CCNT2: variants seen among roughly 807,000 people sequenced by gnomAD.
CCNT2 encodes the protein cyclin-T2.
Under a neutral mutation model 70.0 loss-of-function variants are expected in CCNT2, and 18 were observed. The ratio of observed to expected loss-of-function variants is 0.26; its 90% confidence interval spans 0.18 to 0.38. CCNT2 has a LOEUF of 0.38. Among genes scored for constraint, CCNT2 ranks in the 10% least tolerant of loss-of-function variants. The probability of loss-of-function intolerance (pLI) is 1.00; values close to 1 mark genes in which losing one functional copy is unlikely to be tolerated. For synonymous variants in CCNT2, 334 were observed against 313.3 expected (o/e 1.07, Z -0.70); for missense variants, 734 against 890.2 (o/e 0.82, Z 2.23).
At chr2:134,940,656 T>C (rs1004094458) in intron 4 of CCNT2, among the ~76,000 whole-genome samples, 9 of 152,238 alleles carry the variant, frequency 5.9e-5, no homozygotes, top group Admixed American at 6.5e-5. Flanking sequence ...TAAAATGCTG[T>C]GTGACACCTG....
intron 5 of CCNT2, chr2:134,944,455 CAG>C: frequency 1.0e-6 from 1 of 965,154 alleles, no homozygotes; most frequent in Non-Finnish European, 1.2e-6. Flanking sequence ...AATTCTTTAT[CAG>C]AGATTAATAT....
intron 1 of CCNT2, among the ~76,000 whole-genome samples, chr2:134,919,349 C>T (rs1319272355): frequency 6.6e-6 from 1 of 152,098 alleles, no homozygotes; most frequent in Non-Finnish European, 1.5e-5. Flanking sequence ...TGTCCCTGAC[C>T]CCGAAGGGTT....
At chr2:134,931,284 T>TTTTTTTTTTTTTTTTTTTTTTC (rs1300472053) in intron 2 of CCNT2, among the ~76,000 whole-genome samples, 1 of 145,040 alleles carries the variant, frequency 6.9e-6, no homozygotes, top group African/African-American at 2.6e-5. Flanking sequence ...TTTTTTTTTT[T>TTTTTTTTTTTTTTTTTTTTTTC]TTTGGTATTT....
At chr2:134,945,982 A>G (rs542043101) in intron 5 of CCNT2, 119 bp from the exon 6 acceptor site, 2 of 1,592,100 alleles carry the variant, frequency 1.3e-6, no homozygotes, top group East Asian at 2.2e-5. Context: ...ATTTGTAAGT[A>G]GTAAGTAAAA....
In CCNT2 at chr2:134,954,901, A is replaced by G; in HGVS notation, c.*253A>G. The G allele has an allele frequency of 2.5e-6, 1 of 394,438 alleles. No individual in the cohort carries two copies. 24.4% of individuals were successfully genotyped at this position (394,438 alleles called of 1,614,324 possible). A position where few individuals can be genotyped will look rare whatever the true frequency, so the allele number is the denominator to read the frequency against. ...ACTCAGTATTTCTACAATTGCAGCT[A>G]AGAACATTAGGATGAATGGCTGGCT... On this transcript the variant is annotated 3_prime_UTR_variant, in exon 9 of 9. Transcript: ENST00000264157.
chr2:134,919,940 C>T, intron 2 of CCNT2, 49 bp downstream of exon 2: 1 of 1,308,818 alleles, frequency 7.6e-7, no homozygotes, highest in South Asian at 1.2e-5. Flanking sequence ...GAGGGTAAAT[C>T]GATACGCAGA....
At chr2:134,923,671 A>G (rs1271340300) in intron 2 of CCNT2, among the ~76,000 whole-genome samples, 1 of 152,220 alleles carries the variant, frequency 6.6e-6, no homozygotes, top group East Asian at 1.9e-4. Flanking sequence ...AAATTTTATT[A>G]AGATCTCACT....
At chr2:134,934,917 A>G (rs2105044047) in intron 2 of CCNT2, among the ~76,000 whole-genome samples, 1 of 152,348 alleles carries the variant, frequency 6.6e-6, no homozygotes, top group Middle Eastern at 3.4e-3. Flanking sequence ...TTAGACATGA[A>G]TAATGACAAT....
At position 134,935,667 on chromosome 2, in the gene CCNT2, T is replaced by C. The variant is rs145022081; in HGVS notation, c.241-1174T>C. ...TAAAACATTATTTGAGTTTATTTTA[T>C]GCCTATTTTCTAAGTCCACAGTTAC... On this transcript the variant is annotated intron_variant, in intron 2 of 8. Coordinates refer to ENST00000264157, the MANE Select transcript of CCNT2 (RefSeq NM_058241.3). 1.1e-3 allele frequency among the ~76,000 whole-genome samples: 171 copies of C among 152,344 alleles called. 5 individuals carry two copies. In the Middle Eastern group the frequency reaches 0.041, roughly 36 times the overall value.
chr2:134,942,787 G>T, intron 5 of CCNT2, 113 bp downstream of exon 5: 1 of 1,390,280 alleles, frequency 7.2e-7, no homozygotes, highest in South Asian at 1.5e-5. Context: ...TAAAATTAGG[G>T]AGAAATGTCA....
Position 134,954,904 on chromosome 2 carries a change from A to G in CCNT2, c.*256A>G. ...CAGTATTTCTACAATTGCAGCTAAG[A>G]ACATTAGGATGAATGGCTGGCTGCT... On this transcript the variant is annotated 3_prime_UTR_variant, in exon 9 of 9. Transcript: ENST00000264157. 2 of 382,460 alleles carry G rather than the reference A, an allele frequency of 5.2e-6. No individual in the cohort carries two copies. Among genetic ancestry groups the G allele is most frequent in the South Asian group, 1.2e-4 (2 of 16,380 alleles). 23.7% of individuals were successfully genotyped at this position (382,460 alleles called of 1,614,324 possible).
intron 7 of CCNT2, among the ~76,000 whole-genome samples, chr2:134,949,489 GT>G (rs1201644058): frequency 6.6e-6 from 1 of 152,136 alleles, no homozygotes; most frequent in Admixed American, 6.5e-5. Flanking sequence ...ATTATCCATA[GT>G]TTGCCTGTTC....
At chr2:134,943,469 T>A (rs1681717393) in intron 5 of CCNT2, 1 of 985,220 alleles carries the variant, frequency 1.0e-6, no homozygotes, top group Admixed American at 6.2e-5. Flanking sequence ...TAAAATTGAT[T>A]TAATGTATTT....
chr2:134,922,766 C>T (rs1680007303), intron 2 of CCNT2, among the ~76,000 whole-genome samples: 1 of 152,202 alleles, frequency 6.6e-6, no homozygotes, highest in Non-Finnish European at 1.5e-5. Context: ...TTACAAACTC[C>T]TAATTTGGTC....
chr2:134,922,969 T>A (rs1680020156), intron 2 of CCNT2, among the ~76,000 whole-genome samples: 1 of 152,204 alleles, frequency 6.6e-6, no homozygotes, highest in South Asian at 2.1e-4. Context: ...GAACTCCATG[T>A]ATAATATGCA....
Position 134,939,435 on chromosome 2 carries a change from G to C in CCNT2, c.430+373G>C, listed in dbSNP as rs533011904. 2.5e-3 allele frequency among the ~76,000 whole-genome samples: 377 copies of C among 151,854 alleles called. 3 individuals carry two copies. The highest frequency in any genetic ancestry group is 3.2e-3 in the Non-Finnish European group (217 of 67,900). On this transcript the variant is annotated intron_variant, in intron 4 of 8. Coordinates refer to ENST00000264157, the MANE Select transcript of CCNT2 (RefSeq NM_058241.3). ...CTCGAGCTGCCAGTCAGTATTTTAT[G>C]AGTATATCACCTTTTTTATTTTATT...
intron 7 of CCNT2, among the ~76,000 whole-genome samples, chr2:134,949,062 C>G (rs112074364): frequency 6.6e-6 from 1 of 151,952 alleles, no homozygotes. Context: ...ACTCTGCCCC[C>G]CAAGCTGGAG....
chr2:134,939,474 A>G (rs535294105), intron 4 of CCNT2, among the ~76,000 whole-genome samples: 7 of 151,572 alleles, frequency 4.6e-5, no homozygotes, highest in South Asian at 2.1e-4. Flanking sequence ...TTATTTATTT[A>G]TTTATTTTTA....
At chr2:134,946,557 T>A (rs1325089744) in intron 6 of CCNT2, 2 of 258,004 alleles carry the variant, frequency 7.8e-6, no homozygotes, top group Non-Finnish European at 1.2e-5. Flanking sequence ...AAAATACTCA[T>A]TAAAGTTTTT....
Sources: gnomAD v4.1 joint callset for allele counts (sites outside exome capture counted in the v4.1 genomes callset) on GRCh38, gnomAD v4.1.1 for gene constraint, MANE v1.5 for transcripts, NCBI Gene and HGNC (gene_info 2026-07-23, HGNC 2026-07-21) for gene names.